The following DNAJC18 variants were observed in gnomAD, a reference collection of about 807,000 sequenced individuals.
The protein encoded by DNAJC18 is dnaJ homolog subfamily C member 18.
In DNAJC18, 40 loss-of-function variants were observed where a neutral mutation model predicts 48.6. The observed-to-expected ratio is 0.82, with a 90% CI of 0.64 to 1.07. The LOEUF (loss-of-function observed/expected upper bound fraction) is 1.07. DNAJC18 is among the 50% of genes least tolerant of loss of function. DNAJC18 has a pLI of 0.00. For synonymous variants in DNAJC18, 135 were observed against 152.2 expected, an observed-to-expected ratio of 0.89 and a Z score of 0.83; for missense variants, 340 against 427.7, an observed-to-expected ratio of 0.79 and a Z score of 1.81.
intron 6 of DNAJC18, chr5:139,420,436 T>C (rs1027987872): frequency 2.7e-5 from 14 of 511,848 alleles, no homozygotes; most frequent in Non-Finnish European, 4.3e-5. Flanking sequence ...ATACTATGAA[T>C]TCAGCTTCAG....
chr5:139,430,586 C>T (rs967198749), intron 2 of DNAJC18, among the ~76,000 whole-genome samples: 11 of 145,912 alleles, frequency 7.5e-5, no homozygotes, highest in Admixed American at 5.5e-4. Flanking sequence ...ATATCTACCT[C>T]TTTTTTTTTT....
At chr5:139,427,271 T>A (rs1274753887) in intron 3 of DNAJC18, among the ~76,000 whole-genome samples, 1 of 152,224 alleles carries the variant, frequency 6.6e-6, no homozygotes, top group African/African-American at 2.4e-5. Flanking sequence ...GGCTGAATAG[T>A]TACATATGTT....
At chr5:139,433,444 C>CAAA (rs1329018409) in intron 2 of DNAJC18, among the ~76,000 whole-genome samples, 1 of 66,736 alleles carries the variant, frequency 1.5e-5, no homozygotes, top group Non-Finnish European at 3.3e-5. Flanking sequence ...AACTCCATCT[C>CAAA]AAAAAAAAAA....
Position 139,428,640 on chromosome 5 carries a change from G to A in DNAJC18, c.271C>T (p.Arg91Ter), listed in dbSNP as rs150334373. 7.4e-6 allele frequency: 12 copies of A among 1,612,002 alleles called. No homozygotes were observed. The highest frequency in any genetic ancestry group is 2.2e-5 in the South Asian group (2 of 90,508). ...RNYYEILGVSRDASDEELKKA... is the reference protein window; with the variant it reads ...RNYYEILGVS The stretch of plus-strand genomic sequence containing the variant: ...TTAAGCTCTTCGTCACTAGCATCTC[G>A]AGAAACTCCCAGAATTTCATAGTAA... The change falls in exon 3 of 8, where the codon CGA becomes TGA. Residue 91 changes from arginine to a stop codon, truncating the protein, a stop_gained. Transcript: ENST00000302060. LOFTEE classifies it high-confidence loss of function.
chr5:139,434,041 G>A (rs1357681942), intron 2 of DNAJC18, among the ~76,000 whole-genome samples: 6 of 151,890 alleles, frequency 4.0e-5, no homozygotes, highest in Admixed American at 6.6e-5. Context: ...ACAGGTGTGC[G>A]CCACCACGCC....
intron 2 of DNAJC18, among the ~76,000 whole-genome samples, chr5:139,434,936 T>C (rs1489187885): frequency 6.6e-6 from 1 of 152,220 alleles, no homozygotes; most frequent in African/African-American, 2.4e-5. Context: ...ATACTTGTCT[T>C]GTTCCTGATC....
At chr5:139,419,912 C>T (rs1581414456) in intron 7 of DNAJC18, 141 bp downstream of exon 7, 1 of 817,022 alleles carries the variant, frequency 1.2e-6, no homozygotes, top group Non-Finnish European at 1.8e-6. Context: ...TTTATAGTAT[C>T]CTGAATGGCC....
At chr5:139,420,011 G>A (rs780382268) in intron 7 of DNAJC18, 42 bp downstream of exon 7, 5 of 1,502,302 alleles carry the variant, frequency 3.3e-6, no homozygotes, top group Non-Finnish European at 3.5e-6. Context: ...CTCCTGCTGG[G>A]AACCACAGCC....
At chr5:139,435,141 A>G (rs1352342624) in intron 2 of DNAJC18, among the ~76,000 whole-genome samples, 5 of 152,108 alleles carry the variant, frequency 3.3e-5, no homozygotes, top group African/African-American at 1.2e-4. Context: ...CGGGCAGATC[A>G]CAAGGTCACG....
Position 139,411,628 on chromosome 5 carries a change from C to T in DNAJC18, c.*2520G>A, listed in dbSNP as rs1177399860. The T allele has an allele frequency of 6.6e-6, 1 of 152,144 alleles. No homozygotes were observed. The highest frequency in any genetic ancestry group is 1.5e-5 in the Non-Finnish European group (1 of 68,038). 9.4% of individuals were successfully genotyped at this position (152,144 alleles called of 1,614,324 possible). A position where few individuals can be genotyped will look rare whatever the true frequency, so the allele number is the denominator to read the frequency against. ...CTTCAACCAAAAGCAAATACGGTTC[C>T]CTTGAGGAAAAACAGATGTGAATGT... is the stretch of plus-strand genomic sequence containing the variant. On this transcript the variant is annotated 3_prime_UTR_variant, in exon 8 of 8. Transcript: ENST00000302060.
At chr5:139,419,082 G>C (rs1449858028) in intron 7 of DNAJC18, 1 of 437,238 alleles carries the variant, frequency 2.3e-6, no homozygotes, top group Non-Finnish European at 4.5e-6. Flanking sequence ...ACTCCATTAG[G>C]TATTTAATGA....
chr5:139,419,981 G>T, intron 7 of DNAJC18, 72 bp downstream of exon 7: 1 of 1,394,802 alleles, frequency 7.2e-7, no homozygotes, highest in Non-Finnish European at 9.6e-7. Flanking sequence ...AGAGAGGAGG[G>T]ATCAGGAGGC....
At chr5:139,435,660 C>G (rs189978349) in intron 2 of DNAJC18, among the ~76,000 whole-genome samples, 2 of 136,604 alleles carry the variant, frequency 1.5e-5, no homozygotes, top group Non-Finnish European at 3.1e-5. Flanking sequence ...TAATACTGGT[C>G]TCAAAGAATG....
Position 139,414,059 on chromosome 5 carries a change from A to T in DNAJC18, c.*89T>A. ...GTTAGCAAATAGTAAAGTGTTCATC[A>T]TTACCTAGTTTTGTATTATAAAATG... On this transcript the variant is annotated 3_prime_UTR_variant, in exon 8 of 8. Coordinates refer to ENST00000302060, the MANE Select transcript of DNAJC18 (RefSeq NM_152686.4). The T allele has an allele frequency of 6.5e-7, 1 of 1,531,440 alleles. No individual in the cohort carries two copies. The highest frequency in any genetic ancestry group is 8.8e-7 in the Non-Finnish European group (1 of 1,140,272). 94.9% of individuals were successfully genotyped at this position (1,531,440 alleles called of 1,614,324 possible).
rs1332416714 is a variant in DNAJC18 at position 139,410,852 on chromosome 5, T to G, written c.*3296A>C. 6.6e-6 allele frequency: 1 copy of G among 151,846 alleles called. No individual in the cohort carries two copies. Among genetic ancestry groups the G allele is most frequent in the Non-Finnish European group, 1.5e-5 (1 of 67,992 alleles). The allele number at this position is 151,846 out of a possible 1,614,324, so 9.4% of individuals were successfully genotyped here. On this transcript the variant is annotated 3_prime_UTR_variant, in exon 8 of 8. Transcript: ENST00000302060. ...GATGTGATCTCAGCTTACTGCAACC[T>G]CTGCCTCCCAGGCTCAAGAGATTCT...
Position 139,413,778 on chromosome 5 carries a change from C to T in DNAJC18, c.*370G>A, listed in dbSNP as rs1759030111. ...TAACTAATATTAAGCTTTGGCTAAG[C>T]CTAGGAATGCCTGGTTCTTAAGACT... On this transcript the variant is annotated 3_prime_UTR_variant, in exon 8 of 8. Transcript: ENST00000302060. The T allele has an allele frequency of 1.1e-5, 2 of 176,490 alleles. No homozygotes were observed. The highest frequency in any genetic ancestry group is 2.4e-5 in the Non-Finnish European group (2 of 84,914). 10.9% of individuals were successfully genotyped at this position (176,490 alleles called of 1,614,324 possible). A position where few individuals can be genotyped will look rare whatever the true frequency, so the allele number is the denominator to read the frequency against.
At chr5:139,419,052 T>C (rs4835728) in intron 7 of DNAJC18, 258,020 of 418,134 alleles carry the variant, frequency 0.62, 83,585 homozygotes, top group Non-Finnish European at 0.7. Context: ...GCACTGTGAC[T>C]GAAGAGCTAA....
At position 139,414,747 on chromosome 5, in the gene DNAJC18, G is replaced by A. The variant is rs889033436; in HGVS notation, c.953-475C>T. 1.5e-4 allele frequency among the ~76,000 whole-genome samples: 23 copies of A among 152,238 alleles called. 1 individual carries two copies. Among genetic ancestry groups the A allele is most frequent in the Admixed American group, 1.2e-3 (18 of 15,284 alleles). On this transcript the variant is annotated intron_variant, in intron 7 of 7. Coordinates refer to ENST00000302060, the MANE Select transcript of DNAJC18 (RefSeq NM_152686.4). ...CAGAGCCTACTGCTGCCGGGTGTGC[G>A]TCCACAGAAGGCCAGGGCACTACTG...
At chr5:139,425,801 C>T (rs1759231346) in intron 4 of DNAJC18, among the ~76,000 whole-genome samples, 1 of 152,178 alleles carries the variant, frequency 6.6e-6, no homozygotes, top group Non-Finnish European at 1.5e-5. Flanking sequence ...ATACCAACTT[C>T]CAACTTGCTG....
Sources: gnomAD v4.1 joint callset for allele counts (sites outside exome capture counted in the v4.1 genomes callset) on GRCh38, gnomAD v4.1.1 for gene constraint, MANE v1.5 for transcripts, NCBI Gene and HGNC (gene_info 2026-07-23, HGNC 2026-07-21) for gene names.